Variants in TNIK observed in about 807,000 individuals in gnomAD.
TNIK encodes the protein TRAF2 and NCK interacting kinase.
In TNIK, 49 loss-of-function variants were observed where a neutral mutation model predicts 191.3. The observed-to-expected ratio is 0.26, with a 90% CI of 0.20 to 0.32. The LOEUF (loss-of-function observed/expected upper bound fraction) is 0.32. Among genes scored for constraint, TNIK ranks in the 10% least tolerant of loss-of-function variants. The probability of loss-of-function intolerance (pLI) is 1.00; values close to 1 mark genes in which losing one functional copy is unlikely to be tolerated. For missense variants in TNIK, 1,155 were observed against 1,702.3 expected, an observed-to-expected ratio of 0.68 and a Z score of 5.66; for synonymous variants, 594 against 600.9, an observed-to-expected ratio of 0.99 and a Z score of 0.17.
intron 1 of TNIK, among the ~76,000 whole-genome samples, chr3:171,421,441 G>A (rs1723781201): frequency 6.6e-6 from 1 of 152,154 alleles, no homozygotes; most frequent in South Asian, 2.1e-4. Context: ...GCCCCTTCAT[G>A]GGCCTGTGTA....
intron 29 of TNIK, 54 bp downstream of exon 29, chr3:171,071,169 T>C (rs1719127316): frequency 8.4e-6 from 12 of 1,433,132 alleles, no homozygotes; most frequent in Non-Finnish European, 1.1e-5. Flanking sequence ...TATTAATGGG[T>C]AGAAACGGAA....
At chr3:171,307,635 A>C (rs1329021515) in intron 2 of TNIK, among the ~76,000 whole-genome samples, 1 of 152,150 alleles carries the variant, frequency 6.6e-6, no homozygotes, top group Admixed American at 6.5e-5. Flanking sequence ...ACTGCGTATA[A>C]GCCTATTTAT....
intron 18 of TNIK, among the ~76,000 whole-genome samples, chr3:171,117,423 A>G (rs922716739): frequency 6.6e-6 from 1 of 152,000 alleles, no homozygotes; most frequent in Non-Finnish European, 1.5e-5. Context: ...GTTAATTTCA[A>G]TTTCTCCTTC....
At chr3:171,211,009 G>C in intron 4 of TNIK, 107 bp downstream of exon 4, 1 of 1,409,716 alleles carries the variant, frequency 7.1e-7, no homozygotes, top group Non-Finnish European at 9.7e-7. Context: ...GGGGGCTAAT[G>C]GTTAAAGAAG....
chr3:171,423,893 T>A lies in TNIK; in HGVS notation c.57+36114A>T, dbSNP rs551880841. Reference sequence around the variant, plus strand: ...ACCATAAAAACCCTAGAATAAAACCTAGGCAATACCATTCAGGACATAGGC... The same window carrying A: ...ACCATAAAAACCCTAGAATAAAACCAAGGCAATACCATTCAGGACATAGGC... On this transcript the variant is annotated intron_variant, in intron 1 of 32. Coordinates refer to ENST00000436636, the MANE Select transcript of TNIK (RefSeq NM_015028.4). 1.0e-3 allele frequency among the ~76,000 whole-genome samples: 158 copies of A among 152,276 alleles called. 2 individuals are homozygous for A. Among genetic ancestry groups the A allele is most frequent in the African/African-American group, 3.6e-3 (149 of 41,542 alleles).
At chr3:171,208,321 TA>T (rs1285893967) in intron 4 of TNIK, among the ~76,000 whole-genome samples, 3 of 150,670 alleles carry the variant, frequency 2.0e-5, no homozygotes, top group East Asian at 3.9e-4. Flanking sequence ...ACCCTGTCTC[TA>T]AAAAAAATGT....
chr3:171,335,240 A>C (rs1263306251), intron 2 of TNIK, among the ~76,000 whole-genome samples: 1 of 152,210 alleles, frequency 6.6e-6, no homozygotes, highest in Non-Finnish European at 1.5e-5. Context: ...TGGACAAATA[A>C]AAGAAAATGC....
intron 2 of TNIK, among the ~76,000 whole-genome samples, chr3:171,295,830 C>T (rs971450614): frequency 6.6e-6 from 1 of 152,132 alleles, no homozygotes; most frequent in African/African-American, 2.4e-5. Flanking sequence ...CCTCCGTGGC[C>T]ACCCCTCACC....
chr3:171,214,432 C>G (rs1417670167), intron 3 of TNIK, among the ~76,000 whole-genome samples: 1 of 152,132 alleles, frequency 6.6e-6, no homozygotes. Context: ...GAATTGCCAC[C>G]CACAGTGGCA....
intron 2 of TNIK, among the ~76,000 whole-genome samples, chr3:171,357,445 C>T (rs550506946): frequency 2.8e-4 from 43 of 152,102 alleles, no homozygotes; most frequent in Admixed American, 5.2e-4. Context: ...CAGACCACCA[C>T]ACTCAGCTAG....
At chr3:171,347,082 C>G in intron 2 of TNIK, 1 of 1,482,382 alleles carries the variant, frequency 6.7e-7, no homozygotes, top group Non-Finnish European at 8.9e-7. Context: ...AGACAGAAAA[C>G]AGAAGAGAGA....
intron 2 of TNIK, among the ~76,000 whole-genome samples, chr3:171,299,791 A>G (rs1577396015): frequency 6.6e-6 from 1 of 152,138 alleles, no homozygotes; most frequent in Non-Finnish European, 1.5e-5. Flanking sequence ...ATTTGGTAGC[A>G]CCTCTTCTTG....
chr3:171,186,499 T>C (rs1261991558), intron 7 of TNIK, among the ~76,000 whole-genome samples: 1 of 152,222 alleles, frequency 6.6e-6, no homozygotes, highest in Non-Finnish European at 1.5e-5. Context: ...GTCTTCCTTA[T>C]TCATTCTTTT....
intron 1 of TNIK, among the ~76,000 whole-genome samples, chr3:171,372,628 G>T (rs1421957362): frequency 6.6e-6 from 1 of 152,212 alleles, no homozygotes; most frequent in Non-Finnish European, 1.5e-5. Context: ...ACTAGTCACT[G>T]CATGTGGGAT....
At chr3:171,146,453 C>T (rs1731598374) in intron 12 of TNIK, among the ~76,000 whole-genome samples, 1 of 152,104 alleles carries the variant, frequency 6.6e-6, no homozygotes, top group Non-Finnish European at 1.5e-5. Context: ...TATCCTATAG[C>T]TGCAATGCAA....
intron 29 of TNIK, among the ~76,000 whole-genome samples, chr3:171,069,813 C>T (rs530080902): frequency 2.0e-5 from 3 of 152,300 alleles, no homozygotes; most frequent in African/African-American, 7.2e-5. Context: ...AACTATAATG[C>T]CACTGCTACC....
At chr3:171,343,753 C>T (rs1193718063) in intron 2 of TNIK, among the ~76,000 whole-genome samples, 2 of 152,142 alleles carry the variant, frequency 1.3e-5, no homozygotes, top group Non-Finnish European at 2.9e-5. Context: ...GAATTCTAGT[C>T]TTTCTTCTCC....
intron 12 of TNIK, among the ~76,000 whole-genome samples, chr3:171,146,918 C>T (rs1463957692): frequency 2.7e-5 from 4 of 147,016 alleles, no homozygotes; most frequent in Non-Finnish European, 4.5e-5. Context: ...AAAAAAGTGA[C>T]GAATGAGTGA....
intron 1 of TNIK, among the ~76,000 whole-genome samples, chr3:171,407,477 AAT>A (rs1478978602): frequency 6.6e-6 from 1 of 152,158 alleles, no homozygotes; most frequent in African/African-American, 2.4e-5. Context: ...CCACTATTAA[AAT>A]GATGTGTTTT....
Sources: allele counts gnomAD v4.1 joint callset (sites outside exome capture counted in the v4.1 genomes callset), GRCh38; gene constraint gnomAD v4.1.1; transcripts MANE v1.5; gene names NCBI Gene and HGNC (gene_info 2026-07-23, HGNC 2026-07-21).